Variants in WDPCP observed in about 807,000 individuals in gnomAD.
WDPCP encodes the protein WD repeat containing planar cell polarity effector, also known as WD repeat-containing and planar cell polarity effector protein fritz homolog.
In WDPCP, 71 loss-of-function variants were observed where a neutral mutation model predicts 93.1. The observed-to-expected ratio is 0.76, with a 90% CI of 0.63 to 0.93. The LOEUF is 0.93. WDPCP is among the 40% of genes least tolerant of loss of function. The probability of loss-of-function intolerance (pLI) is 0.00; values close to 1 mark genes in which losing one functional copy is unlikely to be tolerated. For missense variants in WDPCP, 844 were observed against 887.4 expected, an observed-to-expected ratio of 0.95 and a Z score of 0.62; for synonymous variants, 315 against 315.0, an observed-to-expected ratio of 1.00 and a Z score of 0.00.
intron 3 of WDPCP, among the ~76,000 whole-genome samples, chr2:63,608,645 C>T (rs1163213633): frequency 6.6e-6 from 1 of 151,868 alleles, no homozygotes; most frequent in African/African-American, 2.4e-5. Context: ...CCCATCTCTA[C>T]AAAAAAATTT....
At chr2:63,574,166 CCTATT>C (rs1707748784) in intron 1 of WDPCP, among the ~76,000 whole-genome samples, 1 of 152,102 alleles carries the variant, frequency 6.6e-6, no homozygotes, top group Non-Finnish European at 1.5e-5. Flanking sequence ...TGACCCACAC[CCTATT>C]CATACACTCC....
chr2:63,809,466 C>G (rs1184439886), intron 2 of WDPCP, among the ~76,000 whole-genome samples: 30 of 152,194 alleles, frequency 2.0e-4, no homozygotes, highest in African/African-American at 1.7e-4. Flanking sequence ...TTGTGGAATA[C>G]AAAGGGGGGA....
chr2:63,469,194 AT>A (rs1364993520), intron 6 of WDPCP, among the ~76,000 whole-genome samples: 1 of 152,246 alleles, frequency 6.6e-6, no homozygotes, highest in African/African-American at 2.4e-5. Flanking sequence ...AAGTCAAAAC[AT>A]AACAGATGCT....
chr2:63,526,479 T>G (rs1703345989), intron 1 of WDPCP, among the ~76,000 whole-genome samples: 1 of 151,952 alleles, frequency 6.6e-6, no homozygotes, highest in African/African-American at 2.4e-5. Context: ...TACAGGGGAG[T>G]AACAAAGGTT....
intron 2 of WDPCP, among the ~76,000 whole-genome samples, chr2:63,708,239 G>C (rs1253445037): frequency 2.0e-5 from 3 of 152,192 alleles, no homozygotes; most frequent in African/African-American, 7.2e-5. Context: ...AGCCTACAGA[G>C]GCAGGCAGGC....
chr2:63,264,882 G>A (rs575080175), intron 13 of WDPCP, among the ~76,000 whole-genome samples: 14 of 152,234 alleles, frequency 9.2e-5, no homozygotes, highest in African/African-American at 2.6e-4. Flanking sequence ...TTCTGACCAC[G>A]ATGGCATGAA....
Position 63,437,829 on chromosome 2 carries a change from C to T in WDPCP, c.500-275G>A, listed in dbSNP as rs1553392222. 7.6e-6 allele frequency: 12 copies of T among 1,586,904 alleles called. No homozygotes were observed. In the East Asian group the frequency reaches 2.7e-4, roughly 36 times the overall value. On this transcript the variant is annotated intron_variant, in intron 7 of 17. Coordinates refer to ENST00000272321, the MANE Select transcript of WDPCP (RefSeq NM_015910.7). ...GGATGAGATGTATTTAGAAACAGGG[C>T]TATAAAGGTATTTTTAAAAAACTAT...
At chr2:63,247,674 G>GAA (rs77431217) in intron 14 of WDPCP, among the ~76,000 whole-genome samples, 60 of 116,098 alleles carry the variant, frequency 5.2e-4, no homozygotes, top group Non-Finnish European at 6.8e-4. Flanking sequence ...TTCCAAAATT[G>GAA]AAAAAAAAAA....
chr2:63,622,771 C>A lies in WDPCP; in HGVS notation n.488+27888G>T, dbSNP rs186075003. ...GGATTCGGGTACCGCTGCCAGAAGG[C>A]GGCGAACACTTGGTCCCAGGAACTC... On this transcript the variant is annotated intron_variant and non_coding_transcript_variant, in intron 3 of 4. Transcript: ENST00000467687. The A allele has an allele frequency of 7.3e-5, 117 of 1,612,476 alleles. No homozygotes were observed. In the African/African-American group the frequency reaches 1.4e-3, roughly 20 times the overall value.
At chr2:63,462,548 T>G (rs891626376) in intron 6 of WDPCP, among the ~76,000 whole-genome samples, 1 of 152,056 alleles carries the variant, frequency 6.6e-6, no homozygotes, top group African/African-American at 2.4e-5. Context: ...CTGACTACTA[T>G]GTGGAGAGCA....
In WDPCP at chr2:63,439,843, G is replaced by A. The variant is rs756891717; in HGVS notation, c.413C>T (p.Ser138Phe). Residue 138 changes from serine to phenylalanine, a missense_variant, in exon 7 of 18, where the codon TCT becomes TTT. Physicochemically the swap from Ser to Phe is radical, Grantham distance 155 (BLOSUM62 -2). Coordinates refer to ENST00000272321, the MANE Select transcript of WDPCP (RefSeq NM_015910.7). ...QLLFGSGVLV[S>F]LSLSGPQLEK... Reference sequence around the variant, plus strand: ...CAGCTGCGGCCCAGAAAGGCTTAGAGACACCAGCACACCTGAACCAAAAAG... The same window carrying A: ...CAGCTGCGGCCCAGAAAGGCTTAGAAACACCAGCACACCTGAACCAAAAAG... 1.9e-5 allele frequency: 30 copies of A among 1,613,116 alleles called. No individual in the cohort carries two copies. The Admixed American group carries it at 4.8e-4, about 26-fold the overall frequency.
At chr2:63,813,970 T>G (rs904412301) in intron 1 of WDPCP, among the ~76,000 whole-genome samples, 1 of 152,218 alleles carries the variant, frequency 6.6e-6, no homozygotes, top group African/African-American at 2.4e-5. Context: ...AAATTCCATA[T>G]CATAAATGTT....
intron 17 of WDPCP, among the ~76,000 whole-genome samples, chr2:63,129,886 T>C (rs1022470356): frequency 6.6e-6 from 1 of 152,234 alleles, no homozygotes; most frequent in African/African-American, 2.4e-5. Context: ...GTAATTATTA[T>C]GTAAATCATT....
chr2:63,684,153 A>C (rs1044914682), intron 2 of WDPCP, among the ~76,000 whole-genome samples: 1 of 152,218 alleles, frequency 6.6e-6, no homozygotes, highest in Non-Finnish European at 1.5e-5. Context: ...ATTTCATCCA[A>C]CAGCTGCAGA....
intron 2 of WDPCP, among the ~76,000 whole-genome samples, chr2:63,804,938 T>A (rs1670742911): frequency 6.6e-6 from 1 of 151,634 alleles, no homozygotes; most frequent in African/African-American, 2.4e-5. Context: ...TGAGGCAGGA[T>A]AATCGCTTGA....
At position 63,279,139 on chromosome 2, in the gene WDPCP, C is replaced by G. The variant is rs181537664; in HGVS notation, c.1813-19730G>C. Among the ~76,000 whole-genome samples, 864 of 152,052 alleles carry G rather than the reference C, an allele frequency of 5.7e-3. 8 individuals are homozygous for G. The highest frequency in any genetic ancestry group is 6.8e-3 in the Middle Eastern group (2 of 294). The stretch of plus-strand genomic sequence containing the variant: ...TCCTCCCTAAATCATTCTATGAAAC[C>G]AGTATCACCATAATACCAAAACCAG... On this transcript the variant is annotated intron_variant, in intron 13 of 17. Transcript: ENST00000272321.
At chr2:63,414,730 G>T (rs1203663599) in intron 9 of WDPCP, among the ~76,000 whole-genome samples, 1 of 152,180 alleles carries the variant, frequency 6.6e-6, no homozygotes, top group Non-Finnish European at 1.5e-5. Context: ...TTGGAGGAAG[G>T]AGTGGAAGGG....
chr2:63,727,679 C>T (rs1669510475), intron 2 of WDPCP, among the ~76,000 whole-genome samples: 1 of 152,128 alleles, frequency 6.6e-6, no homozygotes, highest in Admixed American at 6.5e-5. Context: ...CTGTCTGATC[C>T]ATGGCTTTTC....
chr2:63,578,903 T>C (rs1204241564), intron 1 of WDPCP, among the ~76,000 whole-genome samples: 1 of 152,102 alleles, frequency 6.6e-6, no homozygotes, highest in Non-Finnish European at 1.5e-5. Flanking sequence ...TTTGTTCCTA[T>C]TTAGGAGAGG....
Sources: gnomAD v4.1 joint callset for allele counts (sites outside exome capture counted in the v4.1 genomes callset) on GRCh38, gnomAD v4.1.1 for gene constraint, MANE v1.5 for transcripts, NCBI Gene and HGNC (gene_info 2026-07-23, HGNC 2026-07-21) for gene names.